ZNF583: variants seen among roughly 807,000 people sequenced by gnomAD.
ZNF583 encodes zinc finger protein 583, also known as zinc finger protein L3-5.
A neutral mutation model predicts 55.3 loss-of-function variants in ZNF583; 30 were observed. The ratio of observed to expected loss-of-function variants is 0.54; its 90% CI spans 0.41 to 0.74. The LOEUF is 0.74. Among genes scored for constraint, ZNF583 ranks in the 30% least tolerant of loss-of-function variants. The pLI, the probability that ZNF583 is intolerant of heterozygous loss-of-function variation, is 0.00. For synonymous variants in ZNF583, 208 were observed against 220.0 expected (o/e 0.95, Z 0.48); for missense variants, 504 against 664.7 (o/e 0.76, Z 2.66).
chr19:56,407,712 G>A (rs184411223), intron 2 of ZNF583, among the ~76,000 whole-genome samples: 8 of 152,282 alleles, frequency 5.3e-5, no homozygotes, highest in African/African-American at 1.7e-4. Context: ...CATTCTGAGT[G>A]TCCACAGCTA....
At chr19:56,420,832 GA>G (rs1291373386) in intron 4 of ZNF583, among the ~76,000 whole-genome samples, 1 of 151,960 alleles carries the variant, frequency 6.6e-6, no homozygotes, top group Non-Finnish European at 1.5e-5. Context: ...TCATTTTGTT[GA>G]TTCCTATAAG....
chr19:56,421,550 C>G, intron 4 of ZNF583: 5 of 956,020 alleles, frequency 5.2e-6, no homozygotes, highest in Non-Finnish European at 5.0e-6. Flanking sequence ...GATTCTTTTC[C>G]TTCCAAATAT....
chr19:56,404,925 CTG>C lies in ZNF583; in HGVS notation c.-90+482_-90+483del, dbSNP rs1427373568. ...GTGAACAGTGTGTAAGACCATGTCA[CTG>C]TGTGTGTGACCTGTGTGTGTGGGAT... On this transcript the variant is annotated intron_variant, in intron 1 of 4. Transcript: ENST00000333201. The surrounding 1 kb of genome is among the most constrained non-coding windows in gnomAD (Gnocchi z 5.2). 6.6e-6 allele frequency among the ~76,000 whole-genome samples: 1 copy of C among 152,064 alleles called. No homozygotes were observed. Among genetic ancestry groups the C allele is most frequent in the Non-Finnish European group, 1.5e-5 (1 of 67,978 alleles).
intron 2 of ZNF583, among the ~76,000 whole-genome samples, chr19:56,412,231 A>C (rs1431128318): frequency 6.6e-6 from 1 of 152,242 alleles, no homozygotes; most frequent in African/African-American, 2.4e-5. Flanking sequence ...TGCCATCTCT[A>C]TGTCAGCCCA....
intron 1 of ZNF583, among the ~76,000 whole-genome samples, chr19:56,406,160 A>G (rs1401460599): frequency 6.6e-6 from 1 of 152,232 alleles, no homozygotes; most frequent in Admixed American, 6.5e-5. Context: ...AGCCAGGACC[A>G]GAAGTAGGCC....
At chr19:56,412,649 CAA>C (rs1381304877) in intron 2 of ZNF583, among the ~76,000 whole-genome samples, 1 of 152,164 alleles carries the variant, frequency 6.6e-6, no homozygotes, top group East Asian at 1.9e-4. Context: ...GTGGGGTTAT[CAA>C]GAGCTGTTAG....
rs1442722057 is a variant in ZNF583 at position 56,424,293 on chromosome 19, G to A, written c.1635G>A (p.Glu545=). The A allele has an allele frequency of 1.2e-6, 2 of 1,613,642 alleles. No individual in the cohort carries two copies. The highest frequency in any genetic ancestry group is 1.7e-6 in the Non-Finnish European group (2 of 1,179,792). ...ATCATGAGAGAATTCATACTATGGAGTCATTCTTGACTCTTTCCTCTCCCT... is the reference window on the plus strand; with the variant it reads ...ATCATGAGAGAATTCATACTATGGAATCATTCTTGACTCTTTCCTCTCCCT... ...LAHHERIHTM[E]SFLTLSSPSP... is the part of the protein sequence containing the mutation. Residue 545 remains glutamate (E), a synonymous_variant, in exon 5 of 5, where the codon GAG becomes GAA. Coordinates refer to ENST00000333201, the MANE Select transcript of ZNF583 (RefSeq NM_152478.3).
Position 56,412,422 on chromosome 19 carries a change from GTAT to G in ZNF583, c.10-1532_10-1530del, listed in dbSNP as rs576115744. ...AAGATCCTTAATTCAACATTCGGTA[GTAT>G]TATTTGGGAGCTGTACTGTAACATT... On this transcript the variant is annotated intron_variant, in intron 2 of 4. Transcript: ENST00000333201. Among the ~76,000 whole-genome samples, 42 of 152,280 alleles carry G rather than the reference GTAT, an allele frequency of 2.8e-4. No individual in the cohort carries two copies. In the South Asian group the frequency reaches 2.9e-3, roughly 11 times the overall value.
intron 4 of ZNF583, among the ~76,000 whole-genome samples, chr19:56,415,375 A>G (rs1205999687): frequency 6.6e-6 from 1 of 152,158 alleles, no homozygotes; most frequent in Non-Finnish European, 1.5e-5. Context: ...AAGCAAAGAA[A>G]TGCAACATGC....
chr19:56,410,196 A>T (rs1314102559), intron 2 of ZNF583, among the ~76,000 whole-genome samples: 1 of 152,172 alleles, frequency 6.6e-6, no homozygotes, highest in Admixed American at 6.5e-5. Context: ...TATGTCTTCG[A>T]GTGCAAGCCA....
chr19:56,412,431 G>T (rs1192122714), intron 2 of ZNF583, among the ~76,000 whole-genome samples: 1 of 152,084 alleles, frequency 6.6e-6, no homozygotes, highest in Non-Finnish European at 1.5e-5. Context: ...AGTATTATTT[G>T]GGAGCTGTAC....
Position 56,424,228 on chromosome 19 carries a change from G to C in ZNF583, c.1570G>C (p.Asp524His). ...TGGAGAAAGACCCTATGAATGTAAA[G>C]ATTGCAGGAAATCTTTCAGGCAGCG... ...HTGERPYECK[D>H]CRKSFRQRAH... The change falls in exon 5 of 5, where the codon GAT becomes CAT. Residue 524 changes from aspartate (D) to histidine (H), a missense_variant. Around this residue, in one of 3 missense-constraint regions of ZNF583, gnomAD observed 63 missense variants for 56.5 expected, o/e 1.11. Transcript: ENST00000333201. 1 of 1,613,986 alleles carries C rather than the reference G, an allele frequency of 6.2e-7. No homozygotes were observed. The highest frequency in any genetic ancestry group is 8.5e-7 in the Non-Finnish European group (1 of 1,179,984).
rs2042497696 is a variant in ZNF583 at position 56,427,174 on chromosome 19, C to G, written c.*2806C>G. The G allele has an allele frequency of 6.6e-6, 1 of 151,974 alleles. No individual in the cohort carries two copies. The highest frequency in any genetic ancestry group is 6.6e-5 in the Admixed American group (1 of 15,248). 9.4% of individuals were successfully genotyped at this position (151,974 alleles called of 1,614,324 possible). Reference sequence around the variant, plus strand: ...AGACATGATGAAAAGCCTCTTGAAGCCTTTGTATGTGAAAGTTATGTCAGT... The same window carrying G: ...AGACATGATGAAAAGCCTCTTGAAGGCTTTGTATGTGAAAGTTATGTCAGT... On this transcript the variant is annotated 3_prime_UTR_variant, in exon 5 of 5. Coordinates refer to ENST00000333201, the MANE Select transcript of ZNF583 (RefSeq NM_152478.3).
At chr19:56,406,946 A>T in intron 1 of ZNF583, 80 bp from the exon 2 acceptor site, 1 of 618,042 alleles carries the variant, frequency 1.6e-6, no homozygotes, top group Non-Finnish European at 2.8e-6. Flanking sequence ...AAGGAGAAAG[A>T]GAAGGAAAGG....
In ZNF583 at chr19:56,422,973, A is replaced by G. The variant is rs1425481537; in HGVS notation, c.315A>G (p.Gly105=). ...AATCATCCAAAGTTGTGACAGTGGG[A>G]GCAAGACATCTTAGTTATAGCCTTG... The part of the protein sequence containing the change: ...YEESSKVVTV[G]ARHLSYSLDY... Residue 105 remains glycine, a synonymous_variant, in exon 5 of 5, where the codon GGA becomes GGG. Coordinates refer to ENST00000333201, the MANE Select transcript of ZNF583 (RefSeq NM_152478.3). The G allele has an allele frequency of 1.9e-6, 3 of 1,613,814 alleles. No homozygotes were observed. The African/African-American group carries it at 4.0e-5, about 22-fold the overall frequency.
chr19:56,409,296 G>C (rs1449918092), intron 2 of ZNF583, among the ~76,000 whole-genome samples: 1 of 152,176 alleles, frequency 6.6e-6, no homozygotes, highest in African/African-American at 2.4e-5. Flanking sequence ...TTATCTGTGA[G>C]TGAGACCAGG....
intron 2 of ZNF583, among the ~76,000 whole-genome samples, chr19:56,408,518 AG>A (rs937651666): frequency 1.3e-5 from 2 of 152,240 alleles, no homozygotes; most frequent in Non-Finnish European, 2.9e-5. Context: ...CTTATAAAAC[AG>A]TAAAGCCAGG....
chr19:56,420,337 C>T (rs1170970643), intron 4 of ZNF583, among the ~76,000 whole-genome samples: 1 of 152,112 alleles, frequency 6.6e-6, no homozygotes, highest in South Asian at 2.1e-4. Context: ...TTGGTTTATG[C>T]CCCAGAATAT....
At chr19:56,420,555 C>CT (rs1330046112) in intron 4 of ZNF583, among the ~76,000 whole-genome samples, 1 of 152,142 alleles carries the variant, frequency 6.6e-6, no homozygotes, top group Non-Finnish European at 1.5e-5. Flanking sequence ...ATTTCTTACA[C>CT]TTTCAATTTT....
Sources: gnomAD v4.1 joint callset for allele counts (sites outside exome capture counted in the v4.1 genomes callset) on GRCh38, gnomAD v4.1.1 for gene constraint, gnomAD v4.1.1 regional missense constraint, Gnocchi (gnomAD v3.1) non-coding constraint, MANE v1.5 for transcripts, NCBI Gene and HGNC (gene_info 2026-07-23, HGNC 2026-07-21) for gene names.